Variants in DTD1 observed in about 807,000 individuals in gnomAD.
The protein encoded by DTD1 is D-aminoacyl-tRNA deacylase 1, also known as D-tyrosyl-tRNA deacylase 1 homolog.
In DTD1, 13 loss-of-function variants were observed where a neutral mutation model predicts 25.6. The ratio of observed to expected loss-of-function variants is 0.51; its 90% CI spans 0.33 to 0.81. The LOEUF (loss-of-function observed/expected upper bound fraction) is 0.81. Among genes scored for constraint, DTD1 ranks in the 30% least tolerant of loss-of-function variants. DTD1 has a pLI of 0.02. For synonymous variants in DTD1, 110 were observed against 103.6 expected, an observed-to-expected ratio of 1.06 and a Z score of -0.37; for missense variants, 193 against 266.4, an observed-to-expected ratio of 0.72 and a Z score of 1.92.
At position 18,727,494 on chromosome 20, in the gene DTD1, A is replaced by C. The variant is rs138232969; in HGVS notation, c.478-16606A>C. On this transcript the variant is annotated intron_variant, in intron 4 of 5. Transcript: ENST00000377452. ...CCTTGATGATGCTCTTCGGCCCTGA[A>C]GGAGAGGGCGGCCCTGGAAGGGATC... Among the ~76,000 whole-genome samples the C allele has an allele frequency of 5.3e-5, 8 of 152,230 alleles. No individual in the cohort carries two copies. The East Asian group carries it at 1.5e-3, about 29-fold the overall frequency.
intron 3 of DTD1, among the ~76,000 whole-genome samples, chr20:18,618,789 T>C (rs1432526781): frequency 5.9e-5 from 9 of 151,526 alleles, no homozygotes; most frequent in Non-Finnish European, 1.3e-4. Context: ...CTTGGCTCAC[T>C]GCAACCTCCA....
intron 4 of DTD1, among the ~76,000 whole-genome samples, chr20:18,711,752 A>T (rs2061159425): frequency 6.6e-6 from 1 of 152,166 alleles, no homozygotes; most frequent in Non-Finnish European, 1.5e-5. Context: ...ACCTTATTTA[A>T]GAATCAGCTC....
At chr20:18,738,995 G>A (rs1322760319) in intron 4 of DTD1, among the ~76,000 whole-genome samples, 1 of 152,188 alleles carries the variant, frequency 6.6e-6, no homozygotes, top group East Asian at 1.9e-4. Context: ...CCTCTGCAGT[G>A]TGTCCTCAGG....
At chr20:18,742,011 T>C (rs1402134690) in intron 4 of DTD1, among the ~76,000 whole-genome samples, 1 of 151,942 alleles carries the variant, frequency 6.6e-6, no homozygotes, top group Non-Finnish European at 1.5e-5. Context: ...GTGCCGCTAT[T>C]GCAGGCATGA....
chr20:18,627,507 C>T (rs1256145260), intron 3 of DTD1, among the ~76,000 whole-genome samples: 1 of 152,190 alleles, frequency 6.6e-6, no homozygotes, highest in African/African-American at 2.4e-5. Flanking sequence ...TTGGTGTTAC[C>T]AGACCTTTTA....
intron 4 of DTD1, among the ~76,000 whole-genome samples, chr20:18,718,327 C>G (rs919813298): frequency 6.6e-6 from 1 of 152,190 alleles, no homozygotes; most frequent in African/African-American, 2.4e-5. Flanking sequence ...CTGTTACCTC[C>G]AGGTGGCAGC....
intron 3 of DTD1, among the ~76,000 whole-genome samples, chr20:18,609,441 C>A (rs1399077101): frequency 6.6e-6 from 1 of 152,140 alleles, no homozygotes; most frequent in African/African-American, 2.4e-5. Context: ...CGTGAGCCAC[C>A]AAGCCCATCC....
chr20:18,716,987 A>G (rs2061183694), intron 4 of DTD1, among the ~76,000 whole-genome samples: 1 of 152,206 alleles, frequency 6.6e-6, no homozygotes, highest in Admixed American at 6.5e-5. Context: ...GTACACATCA[A>G]GCAGTCAAGC....
chr20:18,617,285 TATTG>T (rs1007250679), intron 3 of DTD1, among the ~76,000 whole-genome samples: 3 of 150,928 alleles, frequency 2.0e-5, no homozygotes, highest in Non-Finnish European at 4.4e-5. Flanking sequence ...TTCAAAACCT[TATTG>T]ATTCAGGGAC....
At chr20:18,622,179 T>G (rs1470124805) in intron 3 of DTD1, among the ~76,000 whole-genome samples, 1 of 152,222 alleles carries the variant, frequency 6.6e-6, no homozygotes, top group African/African-American at 2.4e-5. Context: ...ACCTGTCATC[T>G]AGGCTTTAAG....
intron 4 of DTD1, among the ~76,000 whole-genome samples, chr20:18,713,028 C>G (rs1366602923): frequency 6.6e-6 from 1 of 152,258 alleles, no homozygotes; most frequent in Non-Finnish European, 1.5e-5. Flanking sequence ...CTTTCCCAGC[C>G]TTCCTTCTTC....
At chr20:18,621,721 A>G (rs2060734810) in intron 3 of DTD1, among the ~76,000 whole-genome samples, 1 of 152,178 alleles carries the variant, frequency 6.6e-6, no homozygotes, top group East Asian at 1.9e-4. Flanking sequence ...CTTGGTTAGC[A>G]TTCAATTACT....
At chr20:18,697,272 A>G (rs1410097492) in intron 4 of DTD1, among the ~76,000 whole-genome samples, 1 of 152,138 alleles carries the variant, frequency 6.6e-6, no homozygotes, top group East Asian at 1.9e-4. Context: ...TTACAAAAAC[A>G]TTGAATACAA....
At chr20:18,588,429 C>G (rs930987930) in intron 1 of DTD1, among the ~76,000 whole-genome samples, 71 of 152,318 alleles carry the variant, frequency 4.7e-4, no homozygotes, top group African/African-American at 1.7e-3. Context: ...GGCGGAGCCT[C>G]GGAGCATCTC....
chr20:18,654,323 C>A (rs1399450093), intron 4 of DTD1, among the ~76,000 whole-genome samples: 1 of 152,172 alleles, frequency 6.6e-6, no homozygotes, highest in Non-Finnish European at 1.5e-5. Context: ...GTGAGATGTG[C>A]CTTTGTTCCT....
chr20:18,657,197 G>A (rs952914266), intron 4 of DTD1, among the ~76,000 whole-genome samples: 5 of 152,164 alleles, frequency 3.3e-5, no homozygotes, highest in Non-Finnish European at 7.4e-5. Context: ...TGGTCACGGG[G>A]ACCCCTTACT....
chr20:18,682,714 T>C (rs1015200640), intron 4 of DTD1, among the ~76,000 whole-genome samples: 3 of 152,222 alleles, frequency 2.0e-5, no homozygotes, highest in Non-Finnish European at 4.4e-5. Context: ...CTATTTATTT[T>C]TTGGACACAG....
intron 4 of DTD1, among the ~76,000 whole-genome samples, chr20:18,714,517 T>A (rs538991301): frequency 6.6e-6 from 1 of 152,334 alleles, no homozygotes; most frequent in South Asian, 2.1e-4. Flanking sequence ...CTAGTTAGGA[T>A]AAGTAGTTTT....
chr20:18,673,087 G>A (rs1183479492), intron 4 of DTD1, among the ~76,000 whole-genome samples: 1 of 152,226 alleles, frequency 6.6e-6, no homozygotes, highest in East Asian at 1.9e-4. Context: ...GTGACCAGAT[G>A]TCATTCGTAC....
Sources: gnomAD v4.1 joint callset for allele counts (sites outside exome capture counted in the v4.1 genomes callset) on GRCh38, gnomAD v4.1.1 for gene constraint, MANE v1.5 for transcripts, NCBI Gene and HGNC (gene_info 2026-07-23, HGNC 2026-07-21) for gene names.